The following DOCK4 variants were observed in gnomAD, a reference collection of about 807,000 sequenced individuals.
The protein encoded by DOCK4 is dedicator of cytokinesis 4, also known as dedicator of cytokinesis protein 4.
Under a neutral mutation model 268.1 loss-of-function variants are expected in DOCK4, and 97 were observed. The ratio of observed to expected loss-of-function variants is 0.36; its 90% CI spans 0.31 to 0.43. The LOEUF (loss-of-function observed/expected upper bound fraction) is 0.43, where lower values mean the gene tolerates loss of function less well. DOCK4 is among the 20% of genes least tolerant of loss of function. DOCK4 has a pLI of 1.00. For missense variants in DOCK4, 2,145 were observed against 2,455.7 expected (o/e 0.87, Z 2.67); for synonymous variants, 954 against 887.2 (o/e 1.08, Z -1.34).
chr7:111,804,793 T>C (rs1800553569), intron 30 of DOCK4, among the ~76,000 whole-genome samples: 1 of 151,844 alleles, frequency 6.6e-6, no homozygotes, highest in South Asian at 2.1e-4. Flanking sequence ...AGAGACGGGG[T>C]TTCGTCATGT....
chr7:112,066,983 C>A (rs1807126431), intron 1 of DOCK4, among the ~76,000 whole-genome samples: 1 of 149,880 alleles, frequency 6.7e-6, no homozygotes, highest in South Asian at 2.1e-4. Context: ...CGTCTCCACA[C>A]ACACACACAC....
In DOCK4 at chr7:112,128,969, T is replaced by G. The variant is rs377345077; in HGVS notation, c.37+77133A>C. 3.3e-5 allele frequency among the ~76,000 whole-genome samples: 5 copies of G among 152,164 alleles called. No individual in the cohort carries two copies. In the South Asian group the frequency reaches 6.2e-4, roughly 19 times the overall value. ...ACTGCTGGTGAAAATGTAGAATAGA[T>G]AGTCACTGCGGAAAGCAGGTTGGGT... On this transcript the variant is annotated intron_variant, in intron 1 of 52. Transcript: ENST00000428084.
intron 16 of DOCK4, among the ~76,000 whole-genome samples, chr7:111,888,148 C>T (rs1808003816): frequency 6.6e-6 from 1 of 151,546 alleles, no homozygotes; most frequent in African/African-American, 2.4e-5. Context: ...GATGGACCCA[C>T]ATCTATACCC....
At chr7:111,736,603 C>A (rs1388269469) in intron 50 of DOCK4, among the ~76,000 whole-genome samples, 1 of 152,150 alleles carries the variant, frequency 6.6e-6, no homozygotes, top group Non-Finnish European at 1.5e-5. Context: ...TTGTGCTGAA[C>A]AAGGAGCCTA....
chr7:112,109,318 C>A (rs1302433009), intron 1 of DOCK4, among the ~76,000 whole-genome samples: 1 of 152,222 alleles, frequency 6.6e-6, no homozygotes, highest in African/African-American at 2.4e-5. Flanking sequence ...CAAGTGCTAA[C>A]TACACTTCTC....
At chr7:111,787,432 C>T (rs1490983575) in intron 32 of DOCK4, among the ~76,000 whole-genome samples, 1 of 152,036 alleles carries the variant, frequency 6.6e-6, no homozygotes, top group Non-Finnish European at 1.5e-5. Flanking sequence ...ATTATGAAAA[C>T]CTCTCATTTA....
At chr7:112,052,783 C>T (rs186133620) in intron 1 of DOCK4, among the ~76,000 whole-genome samples, 22 of 152,260 alleles carry the variant, frequency 1.4e-4, no homozygotes, top group Admixed American at 9.8e-4. Flanking sequence ...TTATTTCACA[C>T]TCCTCTCCAA....
At chr7:112,020,274 A>T (rs567842583) in intron 1 of DOCK4, among the ~76,000 whole-genome samples, 1 of 152,298 alleles carries the variant, frequency 6.6e-6, no homozygotes, top group African/African-American at 2.4e-5. Flanking sequence ...CAGTTTTCCA[A>T]AATCTAGTTG....
chr7:111,909,963 AAAAAAAG>A (rs1261816874), intron 13 of DOCK4, among the ~76,000 whole-genome samples: 20 of 151,932 alleles, frequency 1.3e-4, no homozygotes, highest in Admixed American at 1.2e-3. Flanking sequence ...CCCTGTTTAA[AAAAAAAG>A]AAAAAAGAAA....
intron 1 of DOCK4, among the ~76,000 whole-genome samples, chr7:112,119,875 TCTCA>T (rs1160924622): frequency 1.4e-5 from 2 of 147,970 alleles, no homozygotes; most frequent in African/African-American, 2.5e-5. Context: ...CGAGATGGAG[TCTCA>T]CTCTGTCACC....
chr7:111,863,036 T>C (rs1316046665), intron 23 of DOCK4: 3 of 239,956 alleles, frequency 1.3e-5, no homozygotes, highest in South Asian at 4.9e-5. Flanking sequence ...AAGTTTCATA[T>C]AGCTTCAGAA....
At chr7:112,124,020 AC>A (rs1461878548) in intron 1 of DOCK4, among the ~76,000 whole-genome samples, 4 of 151,830 alleles carry the variant, frequency 2.6e-5, no homozygotes, top group African/African-American at 9.7e-5. Context: ...TCATTAAGAA[AC>A]TAAAAACTTT....
intron 36 of DOCK4, among the ~76,000 whole-genome samples, chr7:111,772,237 C>T (rs1414465199): frequency 1.3e-5 from 2 of 151,864 alleles, no homozygotes; most frequent in African/African-American, 4.8e-5. Context: ...AGTGAGTCCT[C>T]GTCTCTAAAA....
At chr7:112,061,739 T>TCTCACACA (rs754537305) in intron 1 of DOCK4, among the ~76,000 whole-genome samples, 1 of 137,140 alleles carries the variant, frequency 7.3e-6, no homozygotes, top group African/African-American at 2.8e-5. Flanking sequence ...ATTAACAATG[T>TCTCACACA]CACACACACA....
intron 1 of DOCK4, among the ~76,000 whole-genome samples, chr7:112,188,786 G>A (rs778382827): frequency 6.6e-6 from 1 of 151,402 alleles, no homozygotes; most frequent in African/African-American, 2.5e-5. Flanking sequence ...CACAGTAAAG[G>A]GTGTTGTTGT....
chr7:111,962,665 T>C (rs1429861162), intron 8 of DOCK4, among the ~76,000 whole-genome samples: 1 of 136,980 alleles, frequency 7.3e-6, no homozygotes, highest in Admixed American at 6.9e-5. Context: ...ACCTCACCAA[T>C]TGCATTCATT....
rs571548972 is a variant in DOCK4, at chr7:111,895,950, T to G, written c.1481-232A>C. Among the ~76,000 whole-genome samples, 14 of 152,328 alleles carry G rather than the reference T, an allele frequency of 9.2e-5. No individual in the cohort carries two copies. In the South Asian group the frequency reaches 2.5e-3, roughly 27 times the overall value. On this transcript the variant is annotated intron_variant, in intron 15 of 52. Transcript: ENST00000428084. Reference sequence around the variant, plus strand: ...GCCTAATTTTCTTTATGGGAATCACTATCTGAAATTGCTTTTTAAAAAATT... The same window carrying G: ...GCCTAATTTTCTTTATGGGAATCACGATCTGAAATTGCTTTTTAAAAAATT...
chr7:111,789,771 G>A (rs1799407175), intron 31 of DOCK4, among the ~76,000 whole-genome samples: 1 of 152,180 alleles, frequency 6.6e-6, no homozygotes, highest in African/African-American at 2.4e-5. Flanking sequence ...GAAACATGAG[G>A]AAGGGTCAAA....
chr7:112,096,013 C>T (rs1035159776), intron 1 of DOCK4, among the ~76,000 whole-genome samples: 6 of 152,102 alleles, frequency 3.9e-5, no homozygotes, highest in Non-Finnish European at 7.4e-5. Flanking sequence ...CACTTGAACC[C>T]GGGAAGCAGA....
Sources: allele counts gnomAD v4.1 joint callset (sites outside exome capture counted in the v4.1 genomes callset), GRCh38; gene constraint gnomAD v4.1.1; transcripts MANE v1.5; gene names NCBI Gene and HGNC (gene_info 2026-07-23, HGNC 2026-07-21).